Variants in WDR26 observed in about 807,000 individuals in gnomAD.
WDR26 encodes the protein WD repeat-containing protein 26.
In WDR26, 5 loss-of-function variants were observed where a neutral mutation model predicts 84.1. The ratio of observed to expected loss-of-function variants is 0.06; its 90% CI spans 0.03 to 0.13. The LOEUF is 0.13. Ranked by LOEUF, WDR26 falls within the 10% of genes least tolerant of loss-of-function variation. The pLI is 1.00. For synonymous variants in WDR26, 415 were observed against 389.6 expected, an observed-to-expected ratio of 1.07 and a Z score of -0.77; for missense variants, 642 against 974.9, an observed-to-expected ratio of 0.66 and a Z score of 4.55.
chr1:224,399,128 T>C, intron 9 of WDR26, 94 bp from the exon 10 acceptor site: 10 of 1,240,302 alleles, frequency 8.1e-6, no homozygotes, highest in Non-Finnish European at 7.5e-6. Flanking sequence ...TATCTTTTAG[T>C]AACAGGTTTT....
chr1:224,422,708 C>CT (rs1344649654), intron 4 of WDR26, among the ~76,000 whole-genome samples: 5 of 86,108 alleles, frequency 5.8e-5, no homozygotes, highest in African/African-American at 2.1e-4. Flanking sequence ...TAGTGAAACT[C>CT]TGTCTCAAAA....
intron 13 of WDR26, among the ~76,000 whole-genome samples, 199 bp downstream of exon 13, chr1:224,393,628 GC>G (rs1558414180): frequency 1.3e-5 from 2 of 152,078 alleles, no homozygotes; most frequent in South Asian, 4.1e-4. Context: ...TTTTCACTGT[GC>G]CCCCCAAAAC....
At chr1:224,392,347 C>G (rs1177386895) in intron 13 of WDR26, among the ~76,000 whole-genome samples, 2 of 150,976 alleles carry the variant, frequency 1.3e-5, no homozygotes, top group African/African-American at 4.9e-5. Flanking sequence ...GAGCATGAGA[C>G]TCCGTCTCAA....
intron 9 of WDR26, among the ~76,000 whole-genome samples, chr1:224,399,879 G>C (rs1208649293): frequency 6.6e-6 from 1 of 152,310 alleles, no homozygotes; most frequent in South Asian, 2.1e-4. Flanking sequence ...GGCCAAGGCG[G>C]GAGGATCATT....
rs1449597946 is a variant in WDR26, at chr1:224,387,483, G to A, written c.*2352C>T. 1 of 152,560 alleles carries A rather than the reference G, an allele frequency of 6.6e-6. No individual in the cohort carries two copies. The highest frequency in any genetic ancestry group is 2.4e-5 in the African/African-American group (1 of 41,418). The allele number at this position is 152,560 out of a possible 1,614,324, so 9.5% of individuals were successfully genotyped here. Reference sequence around the variant, plus strand: ...GAAACCTTTGCATAGTTGTTACTCCGTTTTAATAGGAGTTATGTTCTTGTA... The same window carrying A: ...GAAACCTTTGCATAGTTGTTACTCCATTTTAATAGGAGTTATGTTCTTGTA... On this transcript the variant is annotated 3_prime_UTR_variant, in exon 14 of 14. Coordinates refer to ENST00000414423, the MANE Select transcript of WDR26 (RefSeq NM_001379403.1).
intron 3 of WDR26, among the ~76,000 whole-genome samples, chr1:224,425,951 G>A (rs1034848497): frequency 2.6e-5 from 4 of 151,978 alleles, no homozygotes; most frequent in Non-Finnish European, 4.4e-5. Context: ...TCTGCCTCCT[G>A]GGTTCACGCG....
In WDR26 at chr1:224,407,151, A is replaced by AAAAAAAGAATATATATATAT; in HGVS notation, c.1459-2582_1459-2581insATATATATATATTCTTTTTT. ...AAAAAAAAAAAAAAAAAAAAAAAAA[A>AAAAAAAGAATATATATATAT]ATATATATATATATATATATAACTC... On this transcript the variant is annotated intron_variant, in intron 7 of 13. Coordinates refer to ENST00000414423, the MANE Select transcript of WDR26 (RefSeq NM_001379403.1). 4.9e-3 allele frequency among the ~76,000 whole-genome samples: 58 copies of AAAAAAAGAATATATATATAT among 11,876 alleles called. 5 individuals carry two copies. Among genetic ancestry groups the AAAAAAAGAATATATATATAT allele is most frequent in the South Asian group, 9.5e-3 (2 of 210 alleles). 7.8% of individuals were successfully genotyped at this position (11,876 alleles called of 152,430 possible).
At chr1:224,415,084 A>G (rs1330340999) in intron 6 of WDR26, among the ~76,000 whole-genome samples, 3 of 152,230 alleles carry the variant, frequency 2.0e-5, no homozygotes, top group Non-Finnish European at 4.4e-5. Context: ...TAAAGGGCAT[A>G]ACTCACTCTC....
chr1:224,392,804 G>A (rs1673163775), intron 13 of WDR26, among the ~76,000 whole-genome samples: 1 of 151,892 alleles, frequency 6.6e-6, no homozygotes. Flanking sequence ...AAAGATAAAA[G>A]TGTAGGGAAT....
chr1:224,419,244 AAC>A (rs760008836), intron 5 of WDR26, among the ~76,000 whole-genome samples: 1 of 152,176 alleles, frequency 6.6e-6, no homozygotes, highest in Non-Finnish European at 1.5e-5. Context: ...TTTTTCTCTT[AAC>A]ACAGTACTTT....
At position 224,434,152 on chromosome 1, in the gene WDR26, G is replaced by A. The variant is rs1391868823; in HGVS notation, c.254C>T (p.Ala85Val). Residue 85 changes from alanine (A) to valine (V), a missense_variant, in exon 1 of 14, where the codon GCT becomes GTT. By Grantham distance (64) the Ala-to-Val change is moderately conservative. This residue lies in a region of WDR26 where 291 missense variants were observed against 302.1 expected (regional missense o/e 0.96). Transcript: ENST00000414423. The stretch of plus-strand genomic sequence containing the variant: ...GTGGCCGCTACTTCGGTGGGGGACA[G>A]CAGCGGCGGCGGGAGGGGCAGCAGC... 2.1e-6 allele frequency: 3 copies of A among 1,422,022 alleles called. No individual in the cohort carries two copies. Among genetic ancestry groups the A allele is most frequent in the South Asian group, 1.5e-5 (1 of 65,558 alleles). The allele number at this position is 1,422,022 out of a possible 1,614,324, so 88.1% of individuals were successfully genotyped here. A position where few individuals can be genotyped will look rare whatever the true frequency, so the allele number is the denominator to read the frequency against.
At chr1:224,399,204 A>G (rs1673343624) in intron 9 of WDR26, among the ~76,000 whole-genome samples, 170 bp from the exon 10 acceptor site, 2 of 152,130 alleles carry the variant, frequency 1.3e-5, no homozygotes, top group Non-Finnish European at 2.9e-5. Context: ...GAAAATTTGA[A>G]TATAGTTCAA....
chr1:224,405,292 C>T (rs1345815647), intron 7 of WDR26, among the ~76,000 whole-genome samples: 15 of 152,108 alleles, frequency 9.9e-5, no homozygotes, highest in Non-Finnish European at 1.9e-4. Flanking sequence ...TAATATTTAA[C>T]AGTATAATTA....
intron 13 of WDR26, among the ~76,000 whole-genome samples, chr1:224,391,406 C>T (rs1031022710): frequency 6.7e-6 from 1 of 148,990 alleles, no homozygotes; most frequent in Non-Finnish European, 1.5e-5. Context: ...CTTAATTCTA[C>T]TGTTAAAATT....
At position 224,407,802 on chromosome 1, in the gene WDR26, C is replaced by T. The variant is rs776473905; in HGVS notation, c.1459-3232G>A. Among the ~76,000 whole-genome samples the T allele has an allele frequency of 6.2e-4, 94 of 152,146 alleles. 1 individual carries two copies. The highest frequency in any genetic ancestry group is 1.9e-3 in the Admixed American group (29 of 15,294). Reference sequence around the variant, plus strand: ...GAGATTACAGCGGTAAGCCACCGCACCCGGCCAAAAAGAACACATATTTTC... The same window carrying T: ...GAGATTACAGCGGTAAGCCACCGCATCCGGCCAAAAAGAACACATATTTTC... On this transcript the variant is annotated intron_variant, in intron 7 of 13. Transcript: ENST00000414423.
At chr1:224,433,620 C>CACCCCA in intron 1 of WDR26, 64 bp downstream of exon 1, 1 of 1,177,768 alleles carries the variant, frequency 8.5e-7, no homozygotes, top group Non-Finnish European at 1.1e-6. Flanking sequence ...GCCCCTTCCC[C>CACCCCA]TACCCCCCTG....
chr1:224,427,938 T>A (rs984261822), intron 3 of WDR26, among the ~76,000 whole-genome samples: 42 of 152,298 alleles, frequency 2.8e-4, no homozygotes, highest in South Asian at 8.3e-4. Flanking sequence ...TTATATTTTT[T>A]AAAAAATCTT....
chr1:224,413,180 T>C (rs980357934), intron 6 of WDR26: 11 of 654,686 alleles, frequency 1.7e-5, no homozygotes, highest in South Asian at 3.2e-5. Context: ...CAGAGTGAGA[T>C]AGTCTCAAAC....
intron 4 of WDR26, among the ~76,000 whole-genome samples, chr1:224,420,805 A>T (rs972350080): frequency 9.2e-5 from 14 of 152,210 alleles, no homozygotes; most frequent in Admixed American, 8.5e-4. Flanking sequence ...TCACCATGTT[A>T]GCCAGGATGG....
Sources: allele counts gnomAD v4.1 joint callset (sites outside exome capture counted in the v4.1 genomes callset), GRCh38; gene constraint gnomAD v4.1.1; regional missense constraint gnomAD v4.1.1; transcripts MANE v1.5; gene names NCBI Gene and HGNC (gene_info 2026-07-23, HGNC 2026-07-21).